Variants in RGS17 observed in about 807,000 individuals in gnomAD.
The protein encoded by RGS17 is regulator of G-protein signaling 17.
In RGS17, 12 loss-of-function variants were observed where a neutral mutation model predicts 25.5. The observed-to-expected ratio is 0.47, with a 90% CI of 0.30 to 0.76. The LOEUF (loss-of-function observed/expected upper bound fraction) is 0.76. Among genes scored for constraint, RGS17 ranks in the 30% least tolerant of loss-of-function variants. The pLI is 0.07. For missense variants in RGS17, 196 were observed against 242.2 expected, an observed-to-expected ratio of 0.81 and a Z score of 1.27; for synonymous variants, 71 against 76.9, an observed-to-expected ratio of 0.92 and a Z score of 0.40.
At chr6:153,032,701 A>C (rs1426642566) in intron 2 of RGS17, among the ~76,000 whole-genome samples, 2 of 152,204 alleles carry the variant, frequency 1.3e-5, no homozygotes, top group Admixed American at 1.3e-4. Flanking sequence ...GGATAAACTT[A>C]ATCTTGGGAG....
intron 1 of RGS17, among the ~76,000 whole-genome samples, chr6:153,052,948 G>A (rs60758519): frequency 0.01 from 1,530 of 152,208 alleles, 28 homozygotes; most frequent in African/African-American, 0.035. Flanking sequence ...CATCCTGTGG[G>A]GATAAAACGA....
intron 1 of RGS17, among the ~76,000 whole-genome samples, chr6:153,068,740 TCAAA>T (rs1200532316): frequency 6.6e-6 from 1 of 151,924 alleles, no homozygotes; most frequent in Non-Finnish European, 1.5e-5. Context: ...TATAAAAAGA[TCAAA>T]CAAATTCATA....
intron 2 of RGS17, among the ~76,000 whole-genome samples, chr6:153,029,989 C>T (rs539195922): frequency 6.6e-6 from 1 of 152,212 alleles, no homozygotes; most frequent in Non-Finnish European, 1.5e-5. Flanking sequence ...ACAAAGAGAA[C>T]TAAACACATA....
intron 1 of RGS17, among the ~76,000 whole-genome samples, chr6:153,064,494 G>C (rs1406438740): frequency 6.6e-6 from 1 of 152,032 alleles, no homozygotes; most frequent in South Asian, 2.1e-4. Flanking sequence ...GCCGGGTGTG[G>C]TGGCGGACGC....
chr6:153,041,129 C>T (rs1345041470), intron 2 of RGS17, among the ~76,000 whole-genome samples: 2 of 151,988 alleles, frequency 1.3e-5, no homozygotes, highest in African/African-American at 4.8e-5. Context: ...TGTGCCACTG[C>T]AATCAAGCCT....
chr6:153,104,147 T>A (rs1171713121), intron 1 of RGS17, among the ~76,000 whole-genome samples: 1 of 152,246 alleles, frequency 6.6e-6, no homozygotes, highest in African/African-American at 2.4e-5. Context: ...GGTAGAGACA[T>A]AATTCAAATC....
chr6:153,089,065 T>C (rs1777089886), intron 1 of RGS17, among the ~76,000 whole-genome samples: 1 of 152,198 alleles, frequency 6.6e-6, no homozygotes, highest in African/African-American at 2.4e-5. Flanking sequence ...TAAAAGGATT[T>C]TTTTCAAACA....
At chr6:153,070,486 G>A (rs1234952538) in intron 1 of RGS17, among the ~76,000 whole-genome samples, 3 of 151,700 alleles carry the variant, frequency 2.0e-5, no homozygotes, top group Non-Finnish European at 2.9e-5. Flanking sequence ...TTCCACATCT[G>A]TGATTAAATT....
intron 3 of RGS17, among the ~76,000 whole-genome samples, chr6:153,025,661 C>CAT (rs150865414): frequency 5.6e-5 from 8 of 143,096 alleles, no homozygotes; most frequent in South Asian, 2.2e-4. Flanking sequence ...TATATAAAAA[C>CAT]ATATATATAT....
intron 4 of RGS17, among the ~76,000 whole-genome samples, chr6:153,015,313 CT>C (rs917629079): frequency 3.3e-5 from 5 of 152,218 alleles, no homozygotes; most frequent in Admixed American, 6.5e-5. Context: ...AGAAGCTCTA[CT>C]GTGGGTAAAA....
chr6:153,060,863 A>G (rs779074637), intron 1 of RGS17, among the ~76,000 whole-genome samples: 14 of 152,164 alleles, frequency 9.2e-5, no homozygotes, highest in Non-Finnish European at 1.8e-4. Context: ...TTCATCTAGA[A>G]CAACCATTTA....
intron 1 of RGS17, among the ~76,000 whole-genome samples, chr6:153,062,045 T>A (rs1236808463): frequency 6.6e-6 from 1 of 152,116 alleles, no homozygotes; most frequent in Non-Finnish European, 1.5e-5. Flanking sequence ...GGAGAGTGAA[T>A]AAAGATGGCA....
intron 1 of RGS17, among the ~76,000 whole-genome samples, chr6:153,054,650 C>CAAATAAATAAAT (rs55901939): frequency 1.6e-3 from 226 of 141,856 alleles, no homozygotes; most frequent in South Asian, 5.4e-3. Flanking sequence ...GACTTCATCT[C>CAAATAAATAAAT]AAATAAATAA....
intron 1 of RGS17, among the ~76,000 whole-genome samples, chr6:153,046,296 A>G (rs1182310888): frequency 6.9e-6 from 1 of 144,958 alleles, no homozygotes; most frequent in Non-Finnish European, 1.6e-5. Context: ...TAGGATGACT[A>G]AAGTTAACAA....
chr6:153,055,684 C>T (rs192646817), intron 1 of RGS17, among the ~76,000 whole-genome samples: 1 of 152,230 alleles, frequency 6.6e-6, no homozygotes, highest in East Asian at 1.9e-4. Context: ...GAAATACTAA[C>T]GGACCCAAGC....
chr6:153,039,433 T>C (rs1239339755), intron 2 of RGS17, among the ~76,000 whole-genome samples: 2 of 152,152 alleles, frequency 1.3e-5, no homozygotes, highest in East Asian at 3.9e-4. Flanking sequence ...TACTTCATTC[T>C]TCTCCTCTCC....
At chr6:153,023,139 T>C (rs541803289) in intron 4 of RGS17, among the ~76,000 whole-genome samples, 3 of 152,328 alleles carry the variant, frequency 2.0e-5, no homozygotes, top group South Asian at 2.1e-4. Flanking sequence ...AAATCGTTTA[T>C]GTAGCATTCC....
At chr6:153,104,254 C>T (rs1294612854) in intron 1 of RGS17, among the ~76,000 whole-genome samples, 1 of 152,174 alleles carries the variant, frequency 6.6e-6, no homozygotes, top group Non-Finnish European at 1.5e-5. Flanking sequence ...TATTGAATAA[C>T]ATGCTTATAG....
At chr6:153,117,414 A>G (rs1334900714) in intron 1 of RGS17, among the ~76,000 whole-genome samples, 1 of 152,142 alleles carries the variant, frequency 6.6e-6, no homozygotes, top group Non-Finnish European at 1.5e-5. Context: ...ATCAAGATGA[A>G]ATTTGGGTGG....
Sources: allele counts gnomAD v4.1 joint callset (sites outside exome capture counted in the v4.1 genomes callset), GRCh38; gene constraint gnomAD v4.1.1; transcripts MANE v1.5; gene names NCBI Gene and HGNC (gene_info 2026-07-23, HGNC 2026-07-21).